ABCB4: variants seen among roughly 807,000 people sequenced by gnomAD.
The protein encoded by ABCB4 is phosphatidylcholine translocator ABCB4.
ABCB4 carries 76 observed loss-of-function variants against 145.7 expected under a neutral mutation model. That is an observed-to-expected ratio of 0.52 (90% CI 0.43 to 0.63). ABCB4 has a LOEUF of 0.63. Ranked by LOEUF, ABCB4 falls within the 30% of genes least tolerant of loss-of-function variation. The pLI is 0.00. For synonymous variants in ABCB4, 517 were observed against 566.8 expected, an observed-to-expected ratio of 0.91 and a Z score of 1.25; for missense variants, 1,234 against 1,553.1, an observed-to-expected ratio of 0.79 and a Z score of 3.45.
intron 2 of ABCB4, among the ~76,000 whole-genome samples, chr7:87,474,396 A>G (rs956973330): frequency 6.6e-6 from 1 of 152,226 alleles, no homozygotes; most frequent in Non-Finnish European, 1.5e-5. Context: ...AAAAAATACA[A>G]TGGTGCTTAG....
In ABCB4 at chr7:87,457,671, C is replaced by T. The variant is rs566423743; in HGVS notation, c.287-3079G>A. On this transcript the variant is annotated intron_variant, in intron 4 of 27. Coordinates refer to ENST00000649586, the MANE Select transcript of ABCB4 (RefSeq NM_000443.4). ...CAGACACTTTACACAAATCATCTCACTTAATTCTATCAGTAAATTGATGCT... is the reference window on the plus strand; with the variant it reads ...CAGACACTTTACACAAATCATCTCATTTAATTCTATCAGTAAATTGATGCT... Among the ~76,000 whole-genome samples the T allele has an allele frequency of 5.3e-5, 8 of 152,310 alleles. No homozygotes were observed. In the South Asian group the frequency reaches 1.7e-3, roughly 32 times the overall value.
At chr7:87,399,875 T>C (rs1392244718), downstream of ABCB4, 1 of 152,258 alleles carries the variant, frequency 6.6e-6, no homozygotes, top group Admixed American at 6.5e-5. Flanking sequence ...AATCAGTTTA[T>C]TGTTTCTCAT....
chr7:87,431,668 G>C (rs1163838279), intron 14 of ABCB4, 103 bp from the exon 15 acceptor site: 4 of 1,439,972 alleles, frequency 2.8e-6, no homozygotes, highest in Non-Finnish European at 2.9e-6. Flanking sequence ...TAGATGATTA[G>C]AGAGTAGTTT....
rs761598845 is a variant in ABCB4, at chr7:87,408,069, C to T, written c.3247G>A (p.Glu1083Lys). The T allele has an allele frequency of 7.4e-6, 12 of 1,613,994 alleles. No individual in the cohort carries two copies. The Admixed American group carries it at 1.8e-4, about 25-fold the overall frequency. ...CGKSTVVQLLERFYDPLAGTV... is the reference protein window; with the variant it reads ...CGKSTVVQLLKRFYDPLAGTV... ...CCCGCCAAGGGGTCGTAGAACCGCT[C>T]CAGGAGCTGGACCACCGTGCTCTTC... Residue 1083 changes from glutamate to lysine, a missense_variant, in exon 25 of 28, where the codon GAG becomes AAG. By Grantham distance (56) the Glu-to-Lys change is moderately conservative (BLOSUM62 1). Transcript: ENST00000649586.
chr7:87,418,570 T>C lies in ABCB4; in HGVS notation c.2445A>G (p.Thr815=). The C allele has an allele frequency of 6.2e-7, 1 of 1,614,136 alleles. No homozygotes were observed. Among genetic ancestry groups the C allele is most frequent in the Non-Finnish European group, 8.5e-7 (1 of 1,179,992 alleles). ...CTTGGGCAGCATCTGTGGCAAGTCT[T>C]GTAGAAAGTGCACCAGTACTGTTTT... is the stretch of plus-strand genomic sequence containing the variant. ...DHKNSTGALS[T]RLATDAAQVQ... Residue 815 remains threonine, a synonymous_variant, in exon 20 of 28, where the codon ACA becomes ACG. Transcript: ENST00000649586.
At chr7:87,410,562 A>T (rs1482271373) in intron 23 of ABCB4, among the ~76,000 whole-genome samples, 2 of 152,216 alleles carry the variant, frequency 1.3e-5, no homozygotes, top group African/African-American at 4.8e-5. Context: ...GTGACTTTCC[A>T]ACGGTTTTCA....
intron 17 of ABCB4, among the ~76,000 whole-genome samples, chr7:87,422,566 G>C (rs1039931322): frequency 2.6e-5 from 4 of 152,020 alleles, no homozygotes; most frequent in African/African-American, 7.3e-5. Flanking sequence ...TCTACTTTCT[G>C]ACTGCATGGT....
chr7:87,452,433 C>G (rs1811806339), intron 6 of ABCB4: 1 of 161,600 alleles, frequency 6.2e-6, no homozygotes, highest in African/African-American at 2.5e-5. Context: ...GCCAGGACTC[C>G]CAGTCAGGAA....
chr7:87,408,330 G>A, intron 24 of ABCB4, 96 bp from the exon 25 acceptor site: 2 of 1,230,570 alleles, frequency 1.6e-6, no homozygotes, highest in Non-Finnish European at 2.3e-6. Context: ...GACTGTAGTA[G>A]AGAAACATAA....
intron 3 of ABCB4, among the ~76,000 whole-genome samples, chr7:87,464,958 T>C (rs45454596): frequency 0.024 from 3,628 of 152,222 alleles, 141 homozygotes; most frequent in African/African-American, 0.083. Context: ...GTGACACAGA[T>C]AACAGGTGAT....
At chr7:87,442,390 T>G (rs570507366) in intron 12 of ABCB4, among the ~76,000 whole-genome samples, 2 of 152,314 alleles carry the variant, frequency 1.3e-5, no homozygotes, top group Admixed American at 1.3e-4. Flanking sequence ...GGCATGCCAT[T>G]ATTTTTACTT....
the ABCB4 span, chr7:87,369,804 A>G: frequency 6.7e-6 from 1 of 149,860 alleles, no homozygotes; most frequent in Non-Finnish European, 1.5e-5. Flanking sequence ...TTACATGTAT[A>G]CCTAGCTTAA....
intron 3 of ABCB4, among the ~76,000 whole-genome samples, chr7:87,464,008 T>G (rs1260768147): frequency 6.6e-6 from 1 of 152,194 alleles, no homozygotes; most frequent in Non-Finnish European, 1.5e-5. Context: ...TTCTATAGCT[T>G]CCTATCTTTT....
chr7:87,376,565 T>C, the ABCB4 span, among the ~76,000 whole-genome samples: 2 of 151,938 alleles, frequency 1.3e-5, no homozygotes, highest in Non-Finnish European at 2.9e-5. Context: ...TATTTTATAG[T>C]GAATTAATCG....
intron 3 of ABCB4, 63 bp from the exon 4 acceptor site, chr7:87,462,971 T>A: frequency 6.9e-7 from 1 of 1,454,462 alleles, no homozygotes. Flanking sequence ...TCCATAATTA[T>A]ATATTCTTTG....
intron 21 of ABCB4, among the ~76,000 whole-genome samples, chr7:87,416,553 T>C (rs998515455): frequency 1.3e-5 from 2 of 152,224 alleles, no homozygotes; most frequent in African/African-American, 4.8e-5. Context: ...CATGTGAACA[T>C]TTCAGTGCAT....
At chr7:87,372,696 A>G in the ABCB4 span, among the ~76,000 whole-genome samples, 10 of 152,192 alleles carry the variant, frequency 6.6e-5, no homozygotes, top group African/African-American at 1.9e-4. Flanking sequence ...TAGGAATGGC[A>G]TCTTACAACA....
In ABCB4 at chr7:87,451,721, C is replaced by A; in HGVS notation, c.610G>T (p.Ala204Ser). Residue 204 changes from alanine (A) to serine (S), a missense_variant, in exon 7 of 28, where the codon GCA becomes TCA. Physicochemically the swap from Ala to Ser is moderately conservative, Grantham distance 99. Around this residue, in one of 7 missense-constraint regions of ABCB4, gnomAD observed 467 missense variants for 632.8 expected, o/e 0.74. Transcript: ENST00000649586. ...MFFQAVATFF[A>S]GFIVGFIRGW... ...CTGATGAATCCCACTATGAATCCTG[C>A]AAAAAACGTGGCTACTGCTTGAAAG... The A allele has an allele frequency of 1.2e-6, 2 of 1,614,058 alleles. No homozygotes were observed. The highest frequency in any genetic ancestry group is 2.7e-5 in the African/African-American group (2 of 75,012).
chr7:87,389,215 C>T, the ABCB4 span, among the ~76,000 whole-genome samples: 107,309 of 152,036 alleles, frequency 0.71, 39,811 homozygotes, highest in Middle Eastern at 0.83. Context: ...GACAGTGTGG[C>T]GATTCCTCAA....
Sources: gnomAD v4.1 joint callset for allele counts (sites outside exome capture counted in the v4.1 genomes callset) on GRCh38, gnomAD v4.1.1 for gene constraint, gnomAD v4.1.1 regional missense constraint, MANE v1.5 for transcripts, NCBI Gene and HGNC (gene_info 2026-07-23, HGNC 2026-07-21) for gene names.